The following ECT2L variants were observed in gnomAD, a reference collection of about 807,000 sequenced individuals.
ECT2L encodes the protein epithelial cell transforming 2 like, also known as epithelial cell-transforming sequence 2 oncogene-like.
Under a neutral mutation model 122.8 loss-of-function variants are expected in ECT2L, and 126 were observed. The observed-to-expected ratio is 1.03, with a 90% CI of 0.89 to 1.19. ECT2L has a LOEUF of 1.19. Among genes scored for constraint, ECT2L ranks in the 50% most tolerant of loss-of-function variants. The probability of loss-of-function intolerance (pLI) is 0.00; values close to 1 mark genes in which losing one functional copy is unlikely to be tolerated. For synonymous variants in ECT2L, 385 were observed against 381.8 expected (o/e 1.01, Z -0.10); for missense variants, 1,012 against 1,064.1 (o/e 0.95, Z 0.68).
At chr6:138,874,197 G>A (rs1778362845) in intron 13 of ECT2L, among the ~76,000 whole-genome samples, 2 of 152,004 alleles carry the variant, frequency 1.3e-5, no homozygotes, top group South Asian at 2.1e-4. Flanking sequence ...CTCCATCCTA[G>A]AGAAAAATTC....
chr6:138,894,256 C>A (rs1338386660), intron 20 of ECT2L, among the ~76,000 whole-genome samples: 1 of 152,044 alleles, frequency 6.6e-6, no homozygotes, highest in Non-Finnish European at 1.5e-5. Context: ...GGGGTTTCAC[C>A]ATGTTGGCCA....
chr6:138,824,558 T>TAAAAAAA (rs748380178), intron 4 of ECT2L, among the ~76,000 whole-genome samples: 6 of 131,746 alleles, frequency 4.6e-5, no homozygotes, highest in Non-Finnish European at 6.3e-5. Flanking sequence ...AAAAAAACTA[T>TAAAAAAA]AAAAAAAAAC....
At position 138,885,600 on chromosome 6, in the gene ECT2L, C is replaced by T. The variant is rs756287254; in HGVS notation, c.2102+21C>T. ...CTGAGGTACGTTCTGAGGGAGAGCA[C>T]AGCAGGGGTCCCCCCAGAGAGGGCA... On this transcript the variant is annotated intron_variant, in intron 17 of 21. Coordinates refer to ENST00000541398, the MANE Select transcript of ECT2L (RefSeq NM_001077706.3). 13 of 1,614,098 alleles carry T rather than the reference C, an allele frequency of 8.1e-6. No individual in the cohort carries two copies. In the Admixed American group the frequency reaches 2.0e-4, roughly 25 times the overall value.
Position 138,849,313 on chromosome 6 carries a change from T to C in ECT2L, c.948T>C (p.Tyr316=), listed in dbSNP as rs757322837. The C allele has an allele frequency of 1.2e-6, 2 of 1,614,052 alleles. No homozygotes were observed. The highest frequency in any genetic ancestry group is 8.5e-7 in the Non-Finnish European group (1 of 1,179,972). The change falls in exon 9 of 22, where the codon TAT becomes TAC. Residue 316 remains tyrosine, a synonymous_variant. Coordinates refer to ENST00000541398, the MANE Select transcript of ECT2L (RefSeq NM_001077706.3). ...AGGCTGGTGTTGTTTCTGTGGTATA[T>C]GAACACAGCGTAACCTTGGAAAGCC... ...SVKAGVVSVV[Y]EHSVTLESLL... is the part of the protein sequence containing the mutation.
chr6:138,858,099 T>A (rs1777685169), intron 10 of ECT2L, among the ~76,000 whole-genome samples: 2 of 152,312 alleles, frequency 1.3e-5, no homozygotes, highest in South Asian at 4.1e-4. Flanking sequence ...CACGTGAGGA[T>A]TATTACAATT....
At chr6:138,900,252 T>C (rs1402787624) in intron 20 of ECT2L, among the ~76,000 whole-genome samples, 1 of 152,054 alleles carries the variant, frequency 6.6e-6, no homozygotes, top group Admixed American at 6.6e-5. Flanking sequence ...CAACTTATTA[T>C]CTTTTTTTTT....
chr6:138,799,293 A>G (rs1036275408), intron 1 of ECT2L, among the ~76,000 whole-genome samples: 19 of 151,336 alleles, frequency 1.3e-4, no homozygotes, highest in Admixed American at 5.9e-4. Context: ...TCGCTCTGTC[A>G]CCCAGGCTGG....
At chr6:138,822,904 T>C (rs1402839517) in intron 4 of ECT2L, 8 of 1,613,924 alleles carry the variant, frequency 5.0e-6, no homozygotes, top group Non-Finnish European at 5.9e-6. Flanking sequence ...ATAGCTTTCG[T>C]CATTGGACTT....
intron 4 of ECT2L, among the ~76,000 whole-genome samples, chr6:138,829,052 C>T (rs1776558838): frequency 1.3e-5 from 2 of 149,290 alleles, no homozygotes; most frequent in South Asian, 4.2e-4. Flanking sequence ...AGATGGGAGT[C>T]TCACTATGTT....
At chr6:138,895,316 G>A (rs1021543063) in intron 20 of ECT2L, among the ~76,000 whole-genome samples, 4 of 152,052 alleles carry the variant, frequency 2.6e-5, no homozygotes, top group Non-Finnish European at 5.9e-5. Flanking sequence ...TACCATATAT[G>A]TTAGCTTCTC....
At chr6:138,848,019 A>G (rs753316393) in intron 8 of ECT2L, among the ~76,000 whole-genome samples, 4 of 152,228 alleles carry the variant, frequency 2.6e-5, no homozygotes, top group Non-Finnish European at 5.9e-5. Flanking sequence ...AGGAGAGAGA[A>G]GAATGAGCAG....
rs746664027 is a variant in ECT2L at position 138,867,105 on chromosome 6, AC to A, written c.1475-997del. On this transcript the variant is annotated intron_variant, in intron 12 of 21. Transcript: ENST00000541398. ...AACAAAAAAACAAAAAAACAAAAAA[AC>A]AAATGCCTACTTGAGCGCAGAGATA... Among the ~76,000 whole-genome samples the A allele has an allele frequency of 5.5e-4, 83 of 150,764 alleles. 1 individual carries two copies. Among genetic ancestry groups the A allele is most frequent in the Non-Finnish European group, 8.1e-4 (55 of 67,994 alleles).
chr6:138,882,573 C>A, intron 15 of ECT2L, 151 bp from the exon 16 acceptor site: 1 of 937,222 alleles, frequency 1.1e-6, no homozygotes, highest in Non-Finnish European at 1.6e-6. Context: ...CCTGTCAAAT[C>A]TCCACTTCTC....
At chr6:138,812,030 C>G (rs551205592) in intron 1 of ECT2L, among the ~76,000 whole-genome samples, 15 of 152,248 alleles carry the variant, frequency 9.9e-5, no homozygotes, top group African/African-American at 3.6e-4. Flanking sequence ...GGCTGAACAA[C>G]AGAAGCAAGA....
intron 1 of ECT2L, among the ~76,000 whole-genome samples, chr6:138,805,135 A>C (rs1775673067): frequency 6.6e-6 from 1 of 152,066 alleles, no homozygotes; most frequent in South Asian, 2.1e-4. Flanking sequence ...ATTCATCCTT[A>C]CTGTTTTGTG....
chr6:138,840,973 C>G (rs954188830), intron 5 of ECT2L, among the ~76,000 whole-genome samples: 8 of 152,058 alleles, frequency 5.3e-5, no homozygotes, highest in Non-Finnish European at 1.2e-4. Context: ...TTCAGTATTT[C>G]AGTCTGGATT....
intron 14 of ECT2L, chr6:138,878,850 T>C (rs1778555127): frequency 6.6e-6 from 1 of 152,418 alleles, no homozygotes; most frequent in African/African-American, 2.4e-5. Context: ...TAGCCACTAA[T>C]TTTTTTAAAA....
chr6:138,836,289 C>CTT (rs138141444), intron 4 of ECT2L, among the ~76,000 whole-genome samples: 9 of 123,634 alleles, frequency 7.3e-5, no homozygotes, highest in African/African-American at 1.3e-4. Context: ...ATTCATTAAT[C>CTT]TTTTTTTTTT....
intron 12 of ECT2L, among the ~76,000 whole-genome samples, chr6:138,867,397 C>A (rs61264131): frequency 0.07 from 10,577 of 151,962 alleles, 450 homozygotes; most frequent in East Asian, 0.17. Flanking sequence ...ACTGTGGGTC[C>A]AGTACGGTGG....
Sources: gnomAD v4.1 joint callset for allele counts (sites outside exome capture counted in the v4.1 genomes callset) on GRCh38, gnomAD v4.1.1 for gene constraint, MANE v1.5 for transcripts, NCBI Gene and HGNC (gene_info 2026-07-23, HGNC 2026-07-21) for gene names.